MACROD2: variants seen among roughly 807,000 people sequenced by gnomAD.
MACROD2 encodes ADP-ribose glycohydrolase MACROD2.
MACROD2 carries 36 observed loss-of-function variants against 70.4 expected under a neutral mutation model. That is an observed-to-expected ratio of 0.51 (90% CI 0.39 to 0.68). The LOEUF (loss-of-function observed/expected upper bound fraction) is 0.68, where lower values mean the gene tolerates loss of function less well. Ranked by LOEUF, MACROD2 falls within the 30% of genes least tolerant of loss-of-function variation. The pLI, the probability that MACROD2 is intolerant of heterozygous loss-of-function variation, is 0.00. For missense variants in MACROD2, 496 were observed against 538.4 expected, an observed-to-expected ratio of 0.92 and a Z score of 0.78; for synonymous variants, 172 against 178.8, an observed-to-expected ratio of 0.96 and a Z score of 0.30.
At chr20:15,212,545 A>G (rs1424031669) in intron 5 of MACROD2, among the ~76,000 whole-genome samples, 1 of 152,138 alleles carries the variant, frequency 6.6e-6, no homozygotes, top group Non-Finnish European at 1.5e-5. Context: ...GCTTGTCATT[A>G]GTGTGTGCGA....
intron 8 of MACROD2, among the ~76,000 whole-genome samples, chr20:15,734,354 A>G (rs962535133): frequency 3.3e-5 from 5 of 152,308 alleles, no homozygotes; most frequent in African/African-American, 1.2e-4. Flanking sequence ...TCCAGTGTCA[A>G]CAAAAGCCAC....
At chr20:14,862,677 AAAT>A (rs1303297115) in intron 5 of MACROD2, among the ~76,000 whole-genome samples, 3 of 73,736 alleles carry the variant, frequency 4.1e-5, no homozygotes, top group African/African-American at 1.6e-4. Flanking sequence ...AAATATATAT[AAAT>A]ATATATATAA....
intron 7 of MACROD2, among the ~76,000 whole-genome samples, chr20:15,468,518 A>G (rs1050050328): frequency 1.3e-5 from 2 of 151,992 alleles, no homozygotes; most frequent in Non-Finnish European, 2.9e-5. Flanking sequence ...TTGACTCAAG[A>G]AAAAAAACAG....
intron 5 of MACROD2, among the ~76,000 whole-genome samples, chr20:14,871,272 G>T (rs1442220992): frequency 2.0e-5 from 3 of 152,082 alleles, no homozygotes; most frequent in African/African-American, 7.2e-5. Flanking sequence ...AAAGAGAAAG[G>T]TTAGGTCACC....
At chr20:14,958,883 C>T (rs2074559881) in intron 5 of MACROD2, among the ~76,000 whole-genome samples, 1 of 152,086 alleles carries the variant, frequency 6.6e-6, no homozygotes, top group Non-Finnish European at 1.5e-5. Context: ...TTCTAACACA[C>T]TCCCAGGTTG....
Position 14,965,826 on chromosome 20 carries a change from A to G in MACROD2, c.419-264114A>G, listed in dbSNP as rs139424859. Reference sequence around the variant, plus strand: ...TGATAAATTTTATCCAGTATAAAACAGTGCATTTTAAAAATCTCATTTTGC... The same window carrying G: ...TGATAAATTTTATCCAGTATAAAACGGTGCATTTTAAAAATCTCATTTTGC... On this transcript the variant is annotated intron_variant, in intron 5 of 17. Transcript: ENST00000684519. Among the ~76,000 whole-genome samples the G allele has an allele frequency of 4.7e-3, 716 of 152,212 alleles. 6 individuals are homozygous for G. Among genetic ancestry groups the G allele is most frequent in the African/African-American group, 0.016 (680 of 41,542 alleles).
intron 8 of MACROD2, among the ~76,000 whole-genome samples, chr20:15,520,838 C>T (rs1289112517): frequency 6.6e-6 from 1 of 152,256 alleles, no homozygotes; most frequent in East Asian, 1.9e-4. Flanking sequence ...TGTGCCTTAA[C>T]AACATCCACA....
intron 4 of MACROD2, among the ~76,000 whole-genome samples, chr20:14,667,164 A>G (rs12624529): frequency 0.15 from 22,926 of 152,052 alleles, 2,110 homozygotes; most frequent in South Asian, 0.22. Context: ...GCTTTGCTCT[A>G]TAATAACAGC....
intron 8 of MACROD2, among the ~76,000 whole-genome samples, chr20:15,636,205 C>A (rs2049366651): frequency 6.7e-6 from 1 of 150,246 alleles, no homozygotes; most frequent in South Asian, 2.1e-4. Flanking sequence ...AATTTCTATT[C>A]AACATTTTAG....
intron 4 of MACROD2, among the ~76,000 whole-genome samples, chr20:14,510,620 G>C (rs965287757): frequency 6.6e-6 from 1 of 152,042 alleles, no homozygotes; most frequent in Admixed American, 6.6e-5. Context: ...CTCATAATTG[G>C]ATTGTGTTTA....
intron 8 of MACROD2, among the ~76,000 whole-genome samples, chr20:15,761,432 A>T (rs2051433980): frequency 6.6e-6 from 1 of 152,256 alleles, no homozygotes; most frequent in Non-Finnish European, 1.5e-5. Context: ...AAAAGGGAAG[A>T]ATTTAGCTTA....
intron 3 of MACROD2, among the ~76,000 whole-genome samples, chr20:14,404,129 T>C (rs181708948): frequency 6.0e-4 from 92 of 152,116 alleles, no homozygotes; most frequent in Non-Finnish European, 1.1e-3. Flanking sequence ...AAATTCCCAA[T>C]AAGGCAGAAG....
chr20:14,697,838 C>A lies in MACROD2; in HGVS notation c.418+12879C>A, dbSNP rs570049053. Among the ~76,000 whole-genome samples, 33 of 152,272 alleles carry A rather than the reference C, an allele frequency of 2.2e-4. No homozygotes were observed. The South Asian group carries it at 3.7e-3, about 17-fold the overall frequency. ...CAGCAGTTTAAAGCTGGAAAGAAAT[C>A]TGGAAATTGCTTTTCTGGCAACTGA... On this transcript the variant is annotated intron_variant, in intron 5 of 17. Transcript: ENST00000684519.
At chr20:14,984,210 A>T (rs2074827993) in intron 5 of MACROD2, among the ~76,000 whole-genome samples, 2 of 152,214 alleles carry the variant, frequency 1.3e-5, no homozygotes, top group Admixed American at 6.5e-5. Flanking sequence ...AGATTAATTT[A>T]ATCTAATTTC....
chr20:16,047,151 G>A (rs1031156516), intron 17 of MACROD2, among the ~76,000 whole-genome samples: 1 of 152,136 alleles, frequency 6.6e-6, no homozygotes, highest in South Asian at 2.1e-4. Context: ...TTTGTGCAAC[G>A]TCACTGACTC....
At chr20:15,976,944 G>T (rs1487174220) in intron 13 of MACROD2, among the ~76,000 whole-genome samples, 1 of 152,084 alleles carries the variant, frequency 6.6e-6, no homozygotes, top group Non-Finnish European at 1.5e-5. Context: ...ACAGACTCAG[G>T]TTGCCACCTC....
chr20:14,631,492 C>T lies in MACROD2; in HGVS notation c.302-53351C>T, dbSNP rs190056364. 2.9e-4 allele frequency among the ~76,000 whole-genome samples: 44 copies of T among 152,228 alleles called. 1 individual carries two copies. The South Asian group carries it at 5.4e-3, about 19-fold the overall frequency. ...TCTTTAAATTTAAGAAAAACCGGGC[C>T]GGGCACGGTGGCTTACGCCTGTAAT... On this transcript the variant is annotated intron_variant, in intron 4 of 17. Coordinates refer to ENST00000684519, the MANE Select transcript of MACROD2 (RefSeq NM_001351661.2).
At chr20:14,349,814 CTTTT>C (rs538685508) in intron 3 of MACROD2, among the ~76,000 whole-genome samples, 2 of 132,216 alleles carry the variant, frequency 1.5e-5, no homozygotes, top group Non-Finnish European at 1.6e-5. Flanking sequence ...TTCTTTTTTT[CTTTT>C]TTTTTTTTTT....
chr20:15,569,836 G>A (rs1014722808), intron 8 of MACROD2, among the ~76,000 whole-genome samples: 21 of 152,088 alleles, frequency 1.4e-4, no homozygotes, highest in African/African-American at 4.8e-4. Context: ...TTGTATGGCT[G>A]AATAGTATTC....
Sources: allele counts gnomAD v4.1 joint callset (sites outside exome capture counted in the v4.1 genomes callset), GRCh38; gene constraint gnomAD v4.1.1; transcripts MANE v1.5; gene names NCBI Gene and HGNC (gene_info 2026-07-23, HGNC 2026-07-21).